The following ARID1B variants were observed in gnomAD, a reference collection of about 807,000 sequenced individuals.
ARID1B encodes the protein AT-rich interaction domain 1B.
In ARID1B, 30 loss-of-function variants were observed where a neutral mutation model predicts 212.3. The observed-to-expected ratio is 0.14, with a 90% CI of 0.11 to 0.19. The LOEUF (loss-of-function observed/expected upper bound fraction) is 0.19, where lower values mean the gene tolerates loss of function less well. Among genes scored for constraint, ARID1B ranks in the 10% least tolerant of loss-of-function variants. ARID1B has a pLI of 1.00. For synonymous variants in ARID1B, 1,402 were observed against 1,301.7 expected (o/e 1.08, Z -1.66); for missense variants, 2,891 against 3,204.0 (o/e 0.90, Z 2.36).
intron 4 of ARID1B, among the ~76,000 whole-genome samples, chr6:157,007,554 C>T (rs1464765107): frequency 3.3e-5 from 5 of 151,846 alleles, no homozygotes; most frequent in African/African-American, 4.8e-5. Context: ...ATAGACACAG[C>T]GGGAAGGATG....
At position 156,905,143 on chromosome 6, in the gene ARID1B, T is replaced by C. The variant is rs1005254334; in HGVS notation, c.2136+3618T>C. Among the ~76,000 whole-genome samples, 12 of 152,210 alleles carry C rather than the reference T, an allele frequency of 7.9e-5. No homozygotes were observed. The South Asian group carries it at 2.5e-3, about 32-fold the overall frequency. On this transcript the variant is annotated intron_variant, in intron 3 of 19. Transcript: ENST00000636930. ...AAAATTATTTTTAAAATCCTTTGTA[T>C]ATTAGGGAGACTGGGCCTTTGTCTG...
intron 4 of ARID1B, among the ~76,000 whole-genome samples, chr6:157,003,828 A>G (rs1779040981): frequency 6.6e-6 from 1 of 152,008 alleles, no homozygotes; most frequent in Admixed American, 6.5e-5. Context: ...AGCTATGACT[A>G]TAGGTGCGCA....
intron 7 of ARID1B, among the ~76,000 whole-genome samples, chr6:157,144,235 G>A (rs886949698): frequency 5.9e-5 from 9 of 152,198 alleles, no homozygotes; most frequent in East Asian, 3.8e-4. Flanking sequence ...CAGCATTTCC[G>A]CATTCCAGCT....
At chr6:156,982,753 C>G (rs540309831) in intron 4 of ARID1B, among the ~76,000 whole-genome samples, 1 of 152,062 alleles carries the variant, frequency 6.6e-6, no homozygotes, top group Admixed American at 6.5e-5. Flanking sequence ...TAATAGCATT[C>G]TTTATTTCCT....
intron 1 of ARID1B, among the ~76,000 whole-genome samples, chr6:156,826,840 T>A (rs1463614507): frequency 6.6e-6 from 1 of 152,132 alleles, no homozygotes; most frequent in Non-Finnish European, 1.5e-5. Flanking sequence ...CCTTCCCTCC[T>A]GTAAGAGCAC....
chr6:157,142,394 C>T (rs943183584), intron 7 of ARID1B, among the ~76,000 whole-genome samples: 10 of 152,056 alleles, frequency 6.6e-5, no homozygotes, highest in African/African-American at 2.2e-4. Flanking sequence ...GGGAGGCCCG[C>T]GCGGGTATAT....
chr6:156,895,507 T>G (rs991674067), intron 2 of ARID1B, among the ~76,000 whole-genome samples: 1 of 152,230 alleles, frequency 6.6e-6, no homozygotes, highest in African/African-American at 2.4e-5. Context: ...GCCTTTGAGC[T>G]GAGTCTCTTT....
chr6:156,937,560 A>T (rs1337292473), intron 4 of ARID1B: 1 of 152,166 alleles, frequency 6.6e-6, no homozygotes, highest in East Asian at 1.9e-4. Flanking sequence ...TTTGCCATGG[A>T]TCTGTGTTGG....
At chr6:156,843,521 C>T (rs1416965120) in intron 2 of ARID1B, among the ~76,000 whole-genome samples, 1 of 151,948 alleles carries the variant, frequency 6.6e-6, no homozygotes, top group Non-Finnish European at 1.5e-5. Flanking sequence ...GAGTAGTGCG[C>T]ACAGGTAGGG....
chr6:157,113,310 GA>G (rs1392285381), intron 6 of ARID1B, among the ~76,000 whole-genome samples: 3 of 152,178 alleles, frequency 2.0e-5, no homozygotes, highest in African/African-American at 7.2e-5. Context: ...AACCTCCTCT[GA>G]AAGACTGTGA....
At chr6:157,070,364 A>G (rs1167183988) in intron 4 of ARID1B, among the ~76,000 whole-genome samples, 1 of 152,172 alleles carries the variant, frequency 6.6e-6, no homozygotes, top group Non-Finnish European at 1.5e-5. Context: ...GATATTCTAA[A>G]TTGCTAAATA....
chr6:156,808,763 ATTTGGTT>A (rs1210657228), intron 1 of ARID1B, among the ~76,000 whole-genome samples: 1 of 152,156 alleles, frequency 6.6e-6, no homozygotes, highest in Non-Finnish European at 1.5e-5. Context: ...TTATTTGTTC[ATTTGGTT>A]TTAAAATATC....
chr6:156,967,858 A>T (rs991306393), intron 4 of ARID1B, among the ~76,000 whole-genome samples: 1 of 152,186 alleles, frequency 6.6e-6, no homozygotes, highest in South Asian at 2.1e-4. Context: ...TTTGCAAGGA[A>T]CTTTGGTTCA....
intron 10 of ARID1B, 164 bp downstream of exon 10, chr6:157,174,281 C>G: frequency 1.6e-6 from 1 of 606,158 alleles, no homozygotes; most frequent in Non-Finnish European, 2.9e-6. Flanking sequence ...TTCCCCAGCC[C>G]CTTCATGGTG....
intron 4 of ARID1B, among the ~76,000 whole-genome samples, chr6:156,952,139 C>T (rs1793633967): frequency 6.6e-6 from 1 of 152,014 alleles, no homozygotes; most frequent in Admixed American, 6.6e-5. Flanking sequence ...TTTTTTTATA[C>T]ATGTGTTTTT....
chr6:156,972,204 A>T (rs1776978135), intron 4 of ARID1B, among the ~76,000 whole-genome samples: 1 of 152,232 alleles, frequency 6.6e-6, no homozygotes, highest in Admixed American at 6.5e-5. Context: ...TCTGGAAGGA[A>T]TTTTAGTTAA....
At chr6:156,836,299 A>G (rs1313518046) in intron 2 of ARID1B, among the ~76,000 whole-genome samples, 2 of 152,170 alleles carry the variant, frequency 1.3e-5, no homozygotes, top group Non-Finnish European at 2.9e-5. Flanking sequence ...TGCCCATATC[A>G]ATGACACCTG....
chr6:156,881,083 G>A (rs1787047466), intron 2 of ARID1B, among the ~76,000 whole-genome samples: 1 of 152,224 alleles, frequency 6.6e-6, no homozygotes, highest in Admixed American at 6.5e-5. Flanking sequence ...CCTGGGGCCT[G>A]CAGGAGTTTC....
chr6:157,059,926 G>T (rs1024460556), intron 4 of ARID1B, among the ~76,000 whole-genome samples: 2 of 152,172 alleles, frequency 1.3e-5, no homozygotes. Flanking sequence ...CAGCATCTAC[G>T]CTGCCACTTC....
Sources: allele counts gnomAD v4.1 joint callset (sites outside exome capture counted in the v4.1 genomes callset), GRCh38; gene constraint gnomAD v4.1.1; transcripts MANE v1.5; gene names NCBI Gene and HGNC (gene_info 2026-07-23, HGNC 2026-07-21).